Variants in POTEI observed in about 807,000 individuals in gnomAD.
POTEI encodes the protein POTE ankyrin domain family member I.
POTEI carries 14 observed loss-of-function variants against 43.4 expected under a neutral mutation model. The ratio of observed to expected loss-of-function variants is 0.32; its 90% CI spans 0.21 to 0.50. The LOEUF is 0.50. Ranked by LOEUF, POTEI falls within the 20% of genes least tolerant of loss-of-function variation. The probability of loss-of-function intolerance (pLI) is 0.98; values close to 1 mark genes in which losing one functional copy is unlikely to be tolerated. For missense variants in POTEI, 235 were observed against 795.4 expected, an observed-to-expected ratio of 0.30 and a Z score of 8.47; for synonymous variants, 95 against 297.9, an observed-to-expected ratio of 0.32 and a Z score of 7.01.
At chr2:130,507,315 TATAC>T (rs1198288680) in intron 1 of POTEI, among the ~76,000 whole-genome samples, 135 of 7,290 alleles carry the variant, frequency 0.019, 4 homozygotes, top group African/African-American at 0.028. Flanking sequence ...TATATATATA[TATAC>T]ACACACACAC....
chr2:130,492,092 C>G (rs1481079243), intron 6 of POTEI, among the ~76,000 whole-genome samples: 282 of 54,776 alleles, frequency 5.1e-3, no homozygotes, highest in African/African-American at 0.014. Flanking sequence ...CACCTGAACT[C>G]TACATTATTC....
intron 10 of POTEI, among the ~76,000 whole-genome samples, chr2:130,479,865 A>C (rs62163597): frequency 3.8e-4 from 13 of 33,836 alleles, no homozygotes; most frequent in Admixed American, 7.2e-4. Context: ...GTCTATTGGG[A>C]TATTTAATAT....
Position 130,460,937 on chromosome 2 carries a change from T to TG in POTEI, c.*1878dup, listed in dbSNP as rs1399258384. The stretch of plus-strand genomic sequence containing the variant: ...GCTAGAGACCCAGGCCAGGAGGATC[T>TG]GCCCATCAAGTAGAGAGCCTGGCCA... On this transcript the variant is annotated 3_prime_UTR_variant, in exon 15 of 15. Transcript: ENST00000451531. The TG allele has an allele frequency of 2.1e-5, 3 of 145,566 alleles. No individual in the cohort carries two copies. The highest frequency in any genetic ancestry group is 4.4e-5 in the Non-Finnish European group (3 of 67,916). 9.0% of individuals were successfully genotyped at this position (145,566 alleles called of 1,614,324 possible).
At chr2:130,493,021 CTT>C (rs1367920952) in intron 6 of POTEI, among the ~76,000 whole-genome samples, 1 of 142,454 alleles carries the variant, frequency 7.0e-6, no homozygotes, top group Non-Finnish European at 1.5e-5. Flanking sequence ...TTATATATTG[CTT>C]TGTTTAAAGG....
At position 130,463,837 on chromosome 2, in the gene POTEI, C is replaced by T; in HGVS notation, c.2207G>A (p.Gly736Glu). 6 of 1,526,582 alleles carry T rather than the reference C, an allele frequency of 3.9e-6. No individual in the cohort carries two copies. Among genetic ancestry groups the T allele is most frequent in the Non-Finnish European group, 5.3e-6 (6 of 1,141,734 alleles). 94.6% of individuals were successfully genotyped at this position (1,526,582 alleles called of 1,614,324 possible). A position where few individuals can be genotyped will look rare whatever the true frequency, so the allele number is the denominator to read the frequency against. ...APRAVFPSIV[G>E]RPRQQGMMGG... ...CATCATGCCCTGCTGCCTGGGGCGC[C>T]CCACGATGGAAGGGAAGACAGCCCG... is the stretch of plus-strand genomic sequence containing the variant. The change falls in exon 15 of 15, where the codon GGG becomes GAG. Residue 736 changes from glycine (G) to glutamate (E), a missense_variant. Transcript: ENST00000451531.
chr2:130,507,382 A>ACATG (rs1684212574), intron 1 of POTEI, among the ~76,000 whole-genome samples: 1 of 1,420 alleles, frequency 7.0e-4, no homozygotes, highest in African/African-American at 7.8e-4. Context: ...GTATATATAC[A>ACATG]TATGTATATA....
chr2:130,507,425 T>C (rs867139680), intron 1 of POTEI, among the ~76,000 whole-genome samples: 2,401 of 118,998 alleles, frequency 0.02, 146 homozygotes, highest in East Asian at 0.15. Context: ...TGTATATATA[T>C]ATATATCTGC....
rs763879539 is a variant in POTEI, at chr2:130,463,620, G to T, written c.2424C>A (p.Ala808=). 3 of 1,606,478 alleles carry T rather than the reference G, an allele frequency of 1.9e-6. No homozygotes were observed. The Admixed American group carries it at 5.0e-5, about 27-fold the overall frequency. The change falls in exon 15 of 15, where the codon GCC becomes GCA. Residue 808 remains alanine (A), a synonymous_variant. Transcript: ENST00000451531. ...PEEHPILLTE[A]PLNPKANREK... Reference sequence around the variant, plus strand: ...CGCGGTTGGCCTTGGGGTTCAGGGGGGCCTCGGTCAGCAGGATGGGGTGCT... The same window carrying T: ...CGCGGTTGGCCTTGGGGTTCAGGGGTGCCTCGGTCAGCAGGATGGGGTGCT...
At position 130,493,499 on chromosome 2, in the gene POTEI, C is replaced by T. The variant is rs542205862; in HGVS notation, c.1127-2759G>A. ...TATCCTACATGAATATTCCATTAAACGTGCATAGAAAAACATTAGTCATTC... is the reference window on the plus strand; with the variant it reads ...TATCCTACATGAATATTCCATTAAATGTGCATAGAAAAACATTAGTCATTC... On this transcript the variant is annotated intron_variant, in intron 6 of 14. Transcript: ENST00000451531. Among the ~76,000 whole-genome samples, 45 of 42,310 alleles carry T rather than the reference C, an allele frequency of 1.1e-3. 20 individuals carry two copies. In the South Asian group the frequency reaches 0.092, roughly 86 times the overall value. 27.8% of individuals were successfully genotyped at this position (42,310 alleles called of 152,430 possible). A position where few individuals can be genotyped will look rare whatever the true frequency, so the allele number is the denominator to read the frequency against.
chr2:130,475,197 A>G (rs376467013), intron 11 of POTEI, among the ~76,000 whole-genome samples: 3 of 65,994 alleles, frequency 4.5e-5, no homozygotes, highest in African/African-American at 1.8e-4. Flanking sequence ...TTCACCTTAG[A>G]CAAAGGGAGA....
chr2:130,480,118 C>T (rs4589771), intron 10 of POTEI, among the ~76,000 whole-genome samples: 72 of 42,204 alleles, frequency 1.7e-3, no homozygotes, highest in Middle Eastern at 7.2e-3. Context: ...GATTAGCCAA[C>T]CACGAAAGGA....
intron 13 of POTEI, among the ~76,000 whole-genome samples, chr2:130,468,605 C>T (rs1395331835): frequency 6.6e-5 from 10 of 151,768 alleles, no homozygotes; most frequent in Non-Finnish European, 1.2e-4. Flanking sequence ...TGGAGGAAAC[C>T]GACCCCATGA....
In POTEI at chr2:130,461,130, G is replaced by T. The variant is rs1402138094; in HGVS notation, c.*1686C>A. ...ACCTATAAGATGTGGCTGGAGGCAA[G>T]TTGAGAAGTCTTACCTAGTCAGGAC... On this transcript the variant is annotated 3_prime_UTR_variant, in exon 15 of 15. Coordinates refer to ENST00000451531, the MANE Select transcript of POTEI (RefSeq NM_001277406.2). 1 of 151,694 alleles carries T rather than the reference G, an allele frequency of 6.6e-6. No homozygotes were observed. Among genetic ancestry groups the T allele is most frequent in the Non-Finnish European group, 1.5e-5 (1 of 68,030 alleles). The allele number at this position is 151,694 out of a possible 1,614,324, so 9.4% of individuals were successfully genotyped here.
chr2:130,467,957 A>C (rs1234220282), intron 13 of POTEI, among the ~76,000 whole-genome samples: 2 of 136,852 alleles, frequency 1.5e-5, no homozygotes, highest in Non-Finnish European at 3.1e-5. Context: ...AGAAATCAAA[A>C]AACAACAGAT....
chr2:130,483,868 AC>A (rs1683489357), intron 9 of POTEI, among the ~76,000 whole-genome samples: 1 of 150,762 alleles, frequency 6.6e-6, no homozygotes, highest in African/African-American at 2.5e-5. Context: ...GGTGTGAGCC[AC>A]CATGCCCGAC....
intron 6 of POTEI, among the ~76,000 whole-genome samples, chr2:130,493,396 T>C (rs1023505157): frequency 2.5e-5 from 1 of 40,758 alleles, no homozygotes; most frequent in Non-Finnish European, 5.5e-5. Context: ...TCTTGGATCT[T>C]TGACAAGTCT....
At chr2:130,476,953 A>G (rs1683212615) in intron 10 of POTEI, among the ~76,000 whole-genome samples, 2 of 121,780 alleles carry the variant, frequency 1.6e-5, no homozygotes, top group East Asian at 2.6e-4. Flanking sequence ...CCCAACATCC[A>G]TGAACAAAAC....
rs577833761 is a variant in POTEI, at chr2:130,507,436, G to A, written c.521+1279C>T. On this transcript the variant is annotated intron_variant, in intron 1 of 14. Coordinates refer to ENST00000451531, the MANE Select transcript of POTEI (RefSeq NM_001277406.2). ...TATATGTATATATATATATATCTGC[G>A]TATATAAATAGGCATTTATATTTTT... Among the ~76,000 whole-genome samples the A allele has an allele frequency of 5.4e-3, 522 of 95,786 alleles. 13 individuals carry two copies. The highest frequency in any genetic ancestry group is 6.6e-3 in the Non-Finnish European group (332 of 50,212). The allele number at this position is 95,786 out of a possible 152,430, so 62.8% of individuals were successfully genotyped here. A position where few individuals can be genotyped will look rare whatever the true frequency, so the allele number is the denominator to read the frequency against.
chr2:130,474,179 A>G (rs538771705), intron 13 of POTEI, among the ~76,000 whole-genome samples, 199 bp downstream of exon 13: 1 of 151,596 alleles, frequency 6.6e-6, no homozygotes, highest in Admixed American at 6.6e-5. Context: ...ATTTGCCAAT[A>G]CTGGTTATTT....
Sources: gnomAD v4.1 joint callset for allele counts (sites outside exome capture counted in the v4.1 genomes callset) on GRCh38, gnomAD v4.1.1 for gene constraint, MANE v1.5 for transcripts, NCBI Gene and HGNC (gene_info 2026-07-23, HGNC 2026-07-21) for gene names.